The following DOCK2 variants were observed in gnomAD, a reference collection of about 807,000 sequenced individuals.
DOCK2 encodes the protein dedicator of cytokinesis protein 2.
Under a neutral mutation model 248.9 loss-of-function variants are expected in DOCK2, and 87 were observed. The observed-to-expected ratio is 0.35, with a 90% confidence interval of 0.29 to 0.42. DOCK2 has a LOEUF of 0.42. Ranked by LOEUF, DOCK2 falls within the 10% of genes least tolerant of loss-of-function variation. The pLI is 1.00. For missense variants in DOCK2, 1,747 were observed against 2,300.2 expected (o/e 0.76, Z 4.92); for synonymous variants, 805 against 821.6 (o/e 0.98, Z 0.35).
Position 169,829,752 on chromosome 5 carries a change from T to A in DOCK2, c.2704-11005T>A, listed in dbSNP as rs879650649. On this transcript the variant is annotated intron_variant, in intron 26 of 51. Coordinates refer to ENST00000520908, the MANE Select transcript of DOCK2 (RefSeq NM_004946.3). ...AACAGTTTTGCAGTTGTATTTACGT[T>A]GTATTTATTTGGGGAGGTTTTTTCT... Among the ~76,000 whole-genome samples, 56 of 152,210 alleles carry A rather than the reference T, an allele frequency of 3.7e-4. 2 individuals carry two copies. Among genetic ancestry groups the A allele is most frequent in the Non-Finnish European group, 1.5e-4 (10 of 68,032 alleles).
At chr5:170,078,314 C>G (rs1002693232) in intron 48 of DOCK2, among the ~76,000 whole-genome samples, 11 of 152,202 alleles carry the variant, frequency 7.2e-5, no homozygotes, top group Non-Finnish European at 1.6e-4. Context: ...CTGGAGCCCT[C>G]TGGCCATCAT....
chr5:170,061,735 C>T (rs963144368), intron 44 of DOCK2, among the ~76,000 whole-genome samples: 3 of 152,248 alleles, frequency 2.0e-5, no homozygotes, highest in African/African-American at 7.2e-5. Flanking sequence ...AGGAGGAAAG[C>T]CAATCAACTG....
At chr5:169,939,056 A>G (rs1342339961) in intron 27 of DOCK2, among the ~76,000 whole-genome samples, 4 of 151,522 alleles carry the variant, frequency 2.6e-5, no homozygotes, top group African/African-American at 9.7e-5. Flanking sequence ...GGCATGCACC[A>G]CCACGCCCTG....
At chr5:169,664,292 A>G (rs1001920149) in intron 2 of DOCK2, among the ~76,000 whole-genome samples, 1 of 152,218 alleles carries the variant, frequency 6.6e-6, no homozygotes. Context: ...TTCATTGTCC[A>G]TATCACTATC....
At chr5:169,972,548 GA>G (rs1372806731) in intron 27 of DOCK2, among the ~76,000 whole-genome samples, 2 of 71,668 alleles carry the variant, frequency 2.8e-5, no homozygotes, top group Admixed American at 1.6e-4. Flanking sequence ...GAGACAGATA[GA>G]TAGATAGATA....
chr5:170,020,231 A>AT (rs1320957192), intron 33 of DOCK2, among the ~76,000 whole-genome samples: 3 of 151,660 alleles, frequency 2.0e-5, no homozygotes, highest in South Asian at 2.1e-4. Context: ...TCCTTCGGGC[A>AT]TTTTTTTTCT....
chr5:169,724,699 TCAG>T (rs1339997651), intron 22 of DOCK2, among the ~76,000 whole-genome samples: 1 of 151,818 alleles, frequency 6.6e-6, no homozygotes, highest in Non-Finnish European at 1.5e-5. Flanking sequence ...CTAATTGCCT[TCAG>T]CATCAATGAC....
intron 43 of DOCK2, 141 bp from the exon 44 acceptor site, chr5:170,057,439 G>T: frequency 1.4e-6 from 1 of 728,294 alleles, no homozygotes. Context: ...GTGTTTCTGG[G>T]TCTTGCAATA....
At chr5:169,662,433 T>C (rs1244954841) in intron 2 of DOCK2, among the ~76,000 whole-genome samples, 1 of 152,226 alleles carries the variant, frequency 6.6e-6, no homozygotes, top group East Asian at 1.9e-4. Flanking sequence ...TGTTGTTTTC[T>C]TTGGTATGCA....
At chr5:169,941,051 G>T (rs1317129363) in intron 27 of DOCK2, among the ~76,000 whole-genome samples, 2 of 152,168 alleles carry the variant, frequency 1.3e-5, no homozygotes, top group African/African-American at 4.8e-5. Flanking sequence ...TGCTTCAGTG[G>T]GGTAGGCAGA....
In DOCK2 at chr5:169,689,309, C is replaced by T. The variant is rs1432708895; in HGVS notation, c.819C>T (p.Leu273=). The T allele has an allele frequency of 2.5e-6, 4 of 1,613,902 alleles. No homozygotes were observed. The highest frequency in any genetic ancestry group is 3.4e-6 in the Non-Finnish European group (4 of 1,179,982). ...SRGFPKEIEM[L]NNLKVVFTDL... ...GCTTCCCTAAGGAGATTGAGATGCTCAACAATCTGAAGGTGGTCTTCACGG... is the reference window on the plus strand; with the variant it reads ...GCTTCCCTAAGGAGATTGAGATGCTTAACAATCTGAAGGTGGTCTTCACGG... The change falls in exon 9 of 52, where the codon CTC becomes CTT. Residue 273 remains leucine, a synonymous_variant. Transcript: ENST00000520908.
At chr5:170,062,236 T>A (rs1455200595) in intron 44 of DOCK2, among the ~76,000 whole-genome samples, 1 of 150,858 alleles carries the variant, frequency 6.6e-6, no homozygotes, top group Admixed American at 6.6e-5. Flanking sequence ...GGTAAGGGAG[T>A]AAGGAGGCTA....
intron 27 of DOCK2, among the ~76,000 whole-genome samples, chr5:169,888,239 C>T (rs1010048215): frequency 6.6e-6 from 1 of 152,168 alleles, no homozygotes; most frequent in Non-Finnish European, 1.5e-5. Context: ...TAAAAGCACC[C>T]TCTGGAGGCC....
rs895057557 is a variant in DOCK2 at position 169,690,931 on chromosome 5, G to T, written c.843+1598G>T. Among the ~76,000 whole-genome samples, 9 of 152,200 alleles carry T rather than the reference G, an allele frequency of 5.9e-5. No individual in the cohort carries two copies. The East Asian group carries it at 1.7e-3, about 29-fold the overall frequency. The stretch of plus-strand genomic sequence containing the variant: ...ATGCTTCCCTCTGTTAAGATGATCA[G>T]TCTTGATCTGGGGGTGTATTAGTTC... On this transcript the variant is annotated intron_variant, in intron 9 of 51. Coordinates refer to ENST00000520908, the MANE Select transcript of DOCK2 (RefSeq NM_004946.3).
At chr5:169,829,805 A>G (rs1002661828) in intron 26 of DOCK2, among the ~76,000 whole-genome samples, 2 of 152,146 alleles carry the variant, frequency 1.3e-5, no homozygotes, top group African/African-American at 4.8e-5. Context: ...CATGATATGA[A>G]ATGGGGCCTT....
At chr5:169,854,122 C>T (rs904303254) in intron 27 of DOCK2, among the ~76,000 whole-genome samples, 1 of 151,210 alleles carries the variant, frequency 6.6e-6, no homozygotes, top group Non-Finnish European at 1.5e-5. Flanking sequence ...TGCACCCAGC[C>T]AAAAACAACT....
Position 169,711,998 on chromosome 5 carries a change from T to C in DOCK2, c.1546T>C (p.Ser516Pro), listed in dbSNP as rs201439364. Residue 516 changes from serine to proline, a missense_variant, in exon 16 of 52, where the codon TCT becomes CCT. Physicochemically the swap from Ser to Pro is moderately conservative, Grantham distance 74 (BLOSUM62 -1). Around this residue, in one of 4 missense-constraint regions of DOCK2, gnomAD observed 858 missense variants for 1,183.5 expected, o/e 0.72. Transcript: ENST00000520908. ...GCGATTCATGTTTCGACATCGGTCA[T>C]CTCTGGAATGTGAGTACCATACTGA... ...HLRFMFRHRS[S>P]LESKDKGEKN... 187 of 1,614,032 alleles carry C rather than the reference T, an allele frequency of 1.2e-4. No individual in the cohort carries two copies. The highest frequency in any genetic ancestry group is 4.2e-6 in the Non-Finnish European group (5 of 1,179,988).
At chr5:169,888,959 T>C (rs1018552196) in intron 27 of DOCK2, among the ~76,000 whole-genome samples, 6 of 152,190 alleles carry the variant, frequency 3.9e-5, no homozygotes, top group East Asian at 1.9e-4. Flanking sequence ...CTCTGTACTT[T>C]GTGTCTTTAG....
At chr5:169,917,551 G>C (rs958586793) in intron 27 of DOCK2, among the ~76,000 whole-genome samples, 1 of 152,182 alleles carries the variant, frequency 6.6e-6, no homozygotes, top group Non-Finnish European at 1.5e-5. Flanking sequence ...ATCAAGAGAA[G>C]TGTAGGATAA....
Sources: allele counts gnomAD v4.1 joint callset (sites outside exome capture counted in the v4.1 genomes callset), GRCh38; gene constraint gnomAD v4.1.1; regional missense constraint gnomAD v4.1.1; transcripts MANE v1.5; gene names NCBI Gene and HGNC (gene_info 2026-07-23, HGNC 2026-07-21).